The following RND1 variants were observed in gnomAD, a reference collection of about 807,000 sequenced individuals.
RND1 encodes rho-related GTP-binding protein Rho6.
In RND1, 9 loss-of-function variants were observed where a neutral mutation model predicts 27.1. The observed-to-expected ratio is 0.33, with a 90% confidence interval of 0.20 to 0.58. The LOEUF (loss-of-function observed/expected upper bound fraction) is 0.58. RND1 is among the 20% of genes least tolerant of loss of function. RND1 has a pLI of 0.86. For synonymous variants in RND1, 108 were observed against 115.7 expected (o/e 0.93, Z 0.43); for missense variants, 253 against 292.2 (o/e 0.87, Z 0.98).
intron 3 of RND1, among the ~76,000 whole-genome samples, 190 bp downstream of exon 3, chr12:48,861,819 G>A (rs192552062): frequency 1.6e-4 from 24 of 152,288 alleles, no homozygotes; most frequent in South Asian, 4.1e-4. Context: ...CAAAAAGGGC[G>A]GGAGGCAGTG....
chr12:48,858,312 TCC>T (rs1319495846), intron 4 of RND1, 71 bp from the exon 5 acceptor site: 5 of 1,549,578 alleles, frequency 3.2e-6, no homozygotes, highest in Non-Finnish European at 4.4e-6. Context: ...TGTGCGTCAC[TCC>T]CCAGGGCCAC....
At chr12:48,859,237 C>G (rs562719527) in intron 4 of RND1, 1 of 152,118 alleles carries the variant, frequency 6.6e-6, no homozygotes, top group African/African-American at 2.4e-5. Context: ...GGATTACAGG[C>G]GTGAGCCACC....
chr12:48,862,222 C>A, intron 2 of RND1, 104 bp from the exon 3 acceptor site: 1 of 654,174 alleles, frequency 1.5e-6, no homozygotes, highest in Non-Finnish European at 2.7e-6. Flanking sequence ...CCCTGAGGAT[C>A]CACCCATCTC....
At chr12:48,858,571 G>A (rs1938874804) in intron 4 of RND1, 1 of 237,064 alleles carries the variant, frequency 4.2e-6, no homozygotes, top group Non-Finnish European at 8.1e-6. Flanking sequence ...AGCTACTCAG[G>A]AGGCTGTGAT....
At chr12:48,861,723 A>C (rs1315665006) in intron 3 of RND1, among the ~76,000 whole-genome samples, 1 of 152,164 alleles carries the variant, frequency 6.6e-6, no homozygotes, top group Non-Finnish European at 1.5e-5. Flanking sequence ...TATCACCTAA[A>C]GGTTCTCTGA....
Position 48,858,138 on chromosome 12 carries a change from A to T in RND1, c.557T>A (p.Leu186Gln). The T allele has an allele frequency of 6.2e-7, 1 of 1,614,130 alleles. No homozygotes were observed. Residue 186 changes from leucine to glutamine, a missense_variant, in exon 5 of 5, where the codon CTG becomes CAG. Coordinates refer to ENST00000309739, the MANE Select transcript of RND1 (RefSeq NM_014470.4). ...IHSIFRTASMLCLNKPSPLPQ... is the reference protein window; with the variant it reads ...IHSIFRTASMQCLNKPSPLPQ... Reference sequence around the variant, plus strand: ...CAGTGGGCTAGGCTTGTTCAGACACAGCATGGATGCCGTCCGAAAGATGCT... The same window carrying T: ...CAGTGGGCTAGGCTTGTTCAGACACTGCATGGATGCCGTCCGAAAGATGCT...
chr12:48,859,141 G>C (rs1250101272), intron 4 of RND1: 1 of 151,118 alleles, frequency 6.6e-6, no homozygotes, highest in Non-Finnish European at 1.5e-5. Context: ...TGTATTTTTA[G>C]TAGAGATGGT....
chr12:48,857,878 C>T lies in RND1; in HGVS notation c.*118G>A, dbSNP rs564912778. ...ATTCCTGTCTCCTTCCAAGCCCTCACCGTGGCCATCTGAAAAACTCATGTC... is the reference window on the plus strand; with the variant it reads ...ATTCCTGTCTCCTTCCAAGCCCTCATCGTGGCCATCTGAAAAACTCATGTC... On this transcript the variant is annotated 3_prime_UTR_variant, in exon 5 of 5. Coordinates refer to ENST00000309739, the MANE Select transcript of RND1 (RefSeq NM_014470.4). The T allele has an allele frequency of 7.9e-7, 1 of 1,264,562 alleles. No homozygotes were observed. Among genetic ancestry groups the T allele is most frequent in the South Asian group, 1.6e-5 (1 of 63,760 alleles). The allele number at this position is 1,264,562 out of a possible 1,614,324, so 78.3% of individuals were successfully genotyped here. A position where few individuals can be genotyped will look rare whatever the true frequency, so the allele number is the denominator to read the frequency against.
intron 2 of RND1, 32 bp downstream of exon 2, chr12:48,864,751 T>G: frequency 6.8e-7 from 1 of 1,468,742 alleles, no homozygotes; most frequent in Non-Finnish European, 9.5e-7. Context: ...CCAGTAGGGG[T>G]GGGAAAGGGG....
At chr12:48,864,416 T>TGCGCGC (rs57360089) in intron 2 of RND1, among the ~76,000 whole-genome samples, 3,318 of 135,462 alleles carry the variant, frequency 0.024, 50 homozygotes, top group Middle Eastern at 0.038. Context: ...TGTGTGTGTG[T>TGCGCGC]GCGCGCGCGC....
intron 4 of RND1, chr12:48,859,156 C>A (rs1938884717): frequency 6.6e-6 from 1 of 150,722 alleles, no homozygotes; most frequent in Non-Finnish European, 1.5e-5. Flanking sequence ...GATGGTGTTT[C>A]ACCATGTTAG....
rs2137505900 is a variant in RND1 at position 48,858,067 on chromosome 12, G to A, written c.628C>T (p.Leu210Phe). 1.2e-6 allele frequency: 2 copies of A among 1,614,210 alleles called. No homozygotes were observed. The highest frequency in any genetic ancestry group is 4.5e-5 in the East Asian group (2 of 44,886). The part of the protein sequence containing the change: ...VRSLSKRLLH[L>F]PSRSELISST... ...GAGATGAGTTCAGAGCGACTGGGGA[G>A]GTGGAGCAGTCGTTTGGAGAGGCTT... Residue 210 changes from leucine (L) to phenylalanine (F), a missense_variant, in exon 5 of 5, where the codon CTC becomes TTC. Physicochemically the swap from Leu to Phe is conservative, Grantham distance 22. Transcript: ENST00000309739.
chr12:48,862,398 G>T (rs1437028009), intron 2 of RND1, among the ~76,000 whole-genome samples: 2 of 152,182 alleles, frequency 1.3e-5, no homozygotes, highest in Admixed American at 6.5e-5. Flanking sequence ...CTTAATTGGA[G>T]ATCTACTAGT....
rs544268112 is a variant in RND1, at chr12:48,858,293, C to T, written c.454-52G>A. ...GCAGTGGGCCAAAATGGCTCTGGGA[C>T]GCTGCCTCTGTGCGTCACTCCCCAG... is the stretch of plus-strand genomic sequence containing the variant. On this transcript the variant is annotated intron_variant, in intron 4 of 4. Coordinates refer to ENST00000309739, the MANE Select transcript of RND1 (RefSeq NM_014470.4). The T allele has an allele frequency of 1.4e-4, 224 of 1,584,130 alleles. 1 individual carries two copies. The Admixed American group carries it at 3.6e-3, about 25-fold the overall frequency.
intron 4 of RND1, chr12:48,858,993 CTG>C (rs1240473386): frequency 7.1e-6 from 1 of 141,800 alleles, no homozygotes; most frequent in Non-Finnish European, 1.5e-5. Context: ...CAGTCTCGCT[CTG>C]TTGCCCAGGC....
At chr12:48,859,376 T>TA (rs1369879015) in intron 4 of RND1, 1 of 151,478 alleles carries the variant, frequency 6.6e-6, no homozygotes, top group Non-Finnish European at 1.5e-5. Context: ...CCATCTCTAC[T>TA]AAAAATAACA....
chr12:48,858,783 A>G (rs1287974957), intron 4 of RND1: 1 of 150,584 alleles, frequency 6.6e-6, no homozygotes, highest in Non-Finnish European at 1.5e-5. Flanking sequence ...AATACTAGAG[A>G]GGATCCCTTG....
chr12:48,863,510 C>T (rs534930439), intron 2 of RND1, among the ~76,000 whole-genome samples: 4 of 152,134 alleles, frequency 2.6e-5, no homozygotes, highest in African/African-American at 9.6e-5. Context: ...TGGGAGGGTA[C>T]AGCAGATGAA....
At chr12:48,864,384 GGTGTGTGT>G (rs539837491) in intron 2 of RND1, among the ~76,000 whole-genome samples, 6,015 of 141,770 alleles carry the variant, frequency 0.042, 183 homozygotes, top group Non-Finnish European at 0.06. Flanking sequence ...GGAAGTAAAA[GGTGTGTGT>G]GTGTGTGTGT....
Sources: allele counts gnomAD v4.1 joint callset (sites outside exome capture counted in the v4.1 genomes callset), GRCh38; gene constraint gnomAD v4.1.1; transcripts MANE v1.5; gene names NCBI Gene and HGNC (gene_info 2026-07-23, HGNC 2026-07-21).